The following GRK2 variants were observed in gnomAD, a reference collection of about 807,000 sequenced individuals.
GRK2 encodes the protein G protein-coupled receptor kinase 2.
A neutral mutation model predicts 97.8 loss-of-function variants in GRK2; 23 were observed. The observed-to-expected ratio is 0.24, with a 90% CI of 0.17 to 0.33. The LOEUF (loss-of-function observed/expected upper bound fraction) is 0.33, where lower values mean the gene tolerates loss of function less well. Ranked by LOEUF, GRK2 falls within the 10% of genes least tolerant of loss-of-function variation. GRK2 has a pLI of 1.00. For missense variants in GRK2, 633 were observed against 956.9 expected, an observed-to-expected ratio of 0.66 and a Z score of 4.47; for synonymous variants, 425 against 381.7, an observed-to-expected ratio of 1.11 and a Z score of -1.32.
intron 18 of GRK2, chr11:67,284,587 C>T: frequency 1.4e-6 from 1 of 707,322 alleles, no homozygotes; most frequent in African/African-American, 1.8e-5. Context: ...GAGTTTGAGA[C>T]CAGCCTGGCC....
chr11:67,268,605 G>A (rs1859845040), intron 1 of GRK2, among the ~76,000 whole-genome samples: 1 of 152,162 alleles, frequency 6.6e-6, no homozygotes, highest in Non-Finnish European at 1.5e-5. Context: ...TTCTGGAACT[G>A]TCTGCGTTCG....
At position 67,281,140 on chromosome 11, in the gene GRK2, C is replaced by T. The variant is rs555481630; in HGVS notation, c.603C>T (p.Gly201=). Residue 201 remains glycine (G), a synonymous_variant, in exon 8 of 21, where the codon GGC becomes GGT. Coordinates refer to ENST00000308595, the MANE Select transcript of GRK2 (RefSeq NM_001619.5). This position sits in a 1 kb window ranked among gnomAD's most constrained non-coding sequence, Gnocchi z 5.7. ...FSVHRIIGRG[G]FGEVYGCRKA... Reference sequence around the variant, plus strand: ...TGCATCGCATCATTGGGCGCGGGGGCTTTGGCGAGGTCTATGGGTGCCGGA... The same window carrying T: ...TGCATCGCATCATTGGGCGCGGGGGTTTTGGCGAGGTCTATGGGTGCCGGA... 71 of 1,613,456 alleles carry T rather than the reference C, an allele frequency of 4.4e-5. No individual in the cohort carries two copies. The East Asian group carries it at 1.5e-3, about 34-fold the overall frequency.
intron 6 of GRK2, chr11:67,280,495 C>G (rs1042772441): frequency 1.7e-6 from 1 of 589,214 alleles, no homozygotes; most frequent in South Asian, 2.0e-5. Context: ...CTGATTCCAG[C>G]AGGAAGCCAC....
rs1446803754 is a variant in GRK2, at chr11:67,282,068, C to T, written c.957+116C>T. 8 of 1,400,778 alleles carry T rather than the reference C, an allele frequency of 5.7e-6. No individual in the cohort carries two copies. Among genetic ancestry groups the T allele is most frequent in the Non-Finnish European group, 7.9e-6 (8 of 1,017,990 alleles). 86.8% of individuals were successfully genotyped at this position (1,400,778 alleles called of 1,614,324 possible). On this transcript the variant is annotated intron_variant, in intron 11 of 20. Coordinates refer to ENST00000308595, the MANE Select transcript of GRK2 (RefSeq NM_001619.5). This position sits in a 1 kb window ranked among gnomAD's most constrained non-coding sequence, Gnocchi z 6.9. Reference sequence around the variant, plus strand: ...CTCCTGGGACATGGCCGCCCCGTATCTTCCCATCTCCGCCCCTGCCCTTCC... The same window carrying T: ...CTCCTGGGACATGGCCGCCCCGTATTTTCCCATCTCCGCCCCTGCCCTTCC...
intron 1 of GRK2, among the ~76,000 whole-genome samples, chr11:67,274,187 A>G (rs1001951106): frequency 6.6e-6 from 1 of 151,538 alleles, no homozygotes; most frequent in African/African-American, 2.4e-5. Context: ...TAATTTTTGT[A>G]TTTTCAGTAG....
rs1167428531 is a variant in GRK2 at position 67,276,073 on chromosome 11, C to G, written c.114-1199C>G. On this transcript the variant is annotated intron_variant, in intron 1 of 20. Transcript: ENST00000308595. The surrounding 1 kb of genome is among the most constrained non-coding windows in gnomAD (Gnocchi z 4.2). ...AGAAAGGCAGGGGCCATGGCAAGCA[C>G]AGAGAACCTGGACTTGCGGATCCAA... 6.6e-6 allele frequency among the ~76,000 whole-genome samples: 1 copy of G among 152,220 alleles called. No individual in the cohort carries two copies. The highest frequency in any genetic ancestry group is 1.5e-5 in the Non-Finnish European group (1 of 68,036).
intron 2 of GRK2, among the ~76,000 whole-genome samples, chr11:67,278,049 C>G (rs868854597): frequency 1.3e-5 from 2 of 152,320 alleles, no homozygotes; most frequent in Middle Eastern, 3.4e-3. Context: ...TGCCTTTTGT[C>G]CTTGGGCAAG....
intron 2 of GRK2, among the ~76,000 whole-genome samples, chr11:67,278,829 G>A (rs986751574): frequency 2.6e-5 from 4 of 152,124 alleles, no homozygotes; most frequent in Admixed American, 6.5e-5. Context: ...GGGGGGTATC[G>A]GCCTCACAGA....
At chr11:67,273,395 G>T (rs926324800) in intron 1 of GRK2, among the ~76,000 whole-genome samples, 1 of 152,192 alleles carries the variant, frequency 6.6e-6, no homozygotes, top group Admixed American at 6.5e-5. Context: ...ACAGGGACAC[G>T]CTCTGGGCTC....
At chr11:67,275,282 C>G (rs906868488) in intron 1 of GRK2, among the ~76,000 whole-genome samples, 1 of 152,152 alleles carries the variant, frequency 6.6e-6, no homozygotes, top group Non-Finnish European at 1.5e-5. Context: ...AGCCCCCTCT[C>G]GAGGCCGAGG....
intron 1 of GRK2, among the ~76,000 whole-genome samples, chr11:67,267,468 G>C (rs1195401098): frequency 6.6e-6 from 1 of 152,160 alleles, no homozygotes; most frequent in Non-Finnish European, 1.5e-5. Context: ...AGGGTGCTGC[G>C]GGCACCCTCC....
At chr11:67,275,527 C>T (rs1279795140) in intron 1 of GRK2, among the ~76,000 whole-genome samples, 13 of 152,010 alleles carry the variant, frequency 8.6e-5, no homozygotes, top group East Asian at 3.9e-4. Context: ...GCTTCCTCCG[C>T]GTGGCGCCTC....
intron 1 of GRK2, chr11:67,277,018 G>A (rs1860045511): frequency 2.6e-6 from 1 of 378,830 alleles, no homozygotes; most frequent in East Asian, 4.4e-5. Context: ...CAGGCGGTGG[G>A]CCTCTGAGCA....
At chr11:67,283,996 C>T (rs1254133972) in intron 17 of GRK2, 47 bp downstream of exon 17, 6 of 1,524,838 alleles carry the variant, frequency 3.9e-6, no homozygotes, top group Non-Finnish European at 4.5e-6. Flanking sequence ...TGATCCTGGC[C>T]TGGGGAAGGA....
At position 67,266,651 on chromosome 11, in the gene GRK2, AGCGGCGGCGGCG is replaced by A. The variant is rs759489796; in HGVS notation, c.-35_-24del. Reference sequence around the variant, plus strand: ...CCGGGCCGAGCGCCGAGCGAGCAGGAGCGGCGGCGGCGGCGGCGGCGGCGGGAGGAGGCAGCG... The same window carrying A: ...CCGGGCCGAGCGCCGAGCGAGCAGGAGCGGCGGCGGCGGGAGGAGGCAGCG... On this transcript the variant is annotated 5_prime_UTR_variant, in exon 1 of 21. Coordinates refer to ENST00000308595, the MANE Select transcript of GRK2 (RefSeq NM_001619.5). The A allele has an allele frequency of 3.5e-6, 3 of 857,548 alleles. No homozygotes were observed. Among genetic ancestry groups the A allele is most frequent in the Non-Finnish European group, 1.4e-6 (1 of 699,146 alleles). The allele number at this position is 857,548 out of a possible 1,614,324, so 53.1% of individuals were successfully genotyped here. A position where few individuals can be genotyped will look rare whatever the true frequency, so the allele number is the denominator to read the frequency against.
chr11:67,277,239 G>A, intron 1 of GRK2, 33 bp from the exon 2 acceptor site: 1 of 1,610,770 alleles, frequency 6.2e-7, no homozygotes. Context: ...GGGCTCTGGG[G>A]GCTTCTGCTT....
At chr11:67,285,217 G>A (rs1860248812) in intron 20 of GRK2, 29 bp downstream of exon 20, 1 of 1,612,262 alleles carries the variant, frequency 6.2e-7, no homozygotes, top group African/African-American at 1.3e-5. Context: ...AGGGATGGGA[G>A]GGCCGAGGGG....
chr11:67,285,059 A>G lies in GRK2; in HGVS notation c.1792-16A>G. 1.2e-6 allele frequency: 2 copies of G among 1,612,888 alleles called. No individual in the cohort carries two copies. Among genetic ancestry groups the G allele is most frequent in the East Asian group, 2.2e-5 (1 of 44,872 alleles). On this transcript the variant is annotated splice_polypyrimidine_tract_variant and intron_variant, in intron 19 of 20. Coordinates refer to ENST00000308595, the MANE Select transcript of GRK2 (RefSeq NM_001619.5). ...GGCCCGGCTCTTACCTGCACCACCCATCCCTGGCCCTGCAGCAGAGCCTGC... is the reference window on the plus strand; with the variant it reads ...GGCCCGGCTCTTACCTGCACCACCCGTCCCTGGCCCTGCAGCAGAGCCTGC...
chr11:67,272,115 C>T (rs1480128685), intron 1 of GRK2, among the ~76,000 whole-genome samples: 1 of 152,204 alleles, frequency 6.6e-6, no homozygotes, highest in African/African-American at 2.4e-5. Context: ...TGGCTGCCAG[C>T]TGCCAGCCAA....
Sources: allele counts gnomAD v4.1 joint callset (sites outside exome capture counted in the v4.1 genomes callset), GRCh38; gene constraint gnomAD v4.1.1; non-coding constraint Gnocchi (gnomAD v3.1); transcripts MANE v1.5; gene names NCBI Gene and HGNC (gene_info 2026-07-23, HGNC 2026-07-21).